Variants in RAB3GAP2 observed in about 807,000 individuals in gnomAD.
RAB3GAP2 encodes the protein RAB3 GTPase activating non-catalytic protein subunit 2, also known as rab3 GTPase-activating protein non-catalytic subunit.
A neutral mutation model predicts 185.3 loss-of-function variants in RAB3GAP2; 87 were observed. The ratio of observed to expected loss-of-function variants is 0.47; its 90% CI spans 0.39 to 0.56. The LOEUF (loss-of-function observed/expected upper bound fraction) is 0.56, where lower values mean the gene tolerates loss of function less well. Among genes scored for constraint, RAB3GAP2 ranks in the 20% least tolerant of loss-of-function variants. RAB3GAP2 has a pLI of 0.00. For missense variants in RAB3GAP2, 1,492 were observed against 1,638.2 expected, an observed-to-expected ratio of 0.91 and a Z score of 1.54; for synonymous variants, 554 against 576.1, an observed-to-expected ratio of 0.96 and a Z score of 0.55.
rs1200122130 is a variant in RAB3GAP2 at position 220,213,585 on chromosome 1, G to C, written c.304+271C>G. ...TCTGACTGTCCCTTGCAAGAATTGAGCAATGCACAGTACTGCCCCTGAGGT... is the reference window on the plus strand; with the variant it reads ...TCTGACTGTCCCTTGCAAGAATTGACCAATGCACAGTACTGCCCCTGAGGT... On this transcript the variant is annotated intron_variant, in intron 3 of 34. Transcript: ENST00000358951. 2.6e-5 allele frequency among the ~76,000 whole-genome samples: 4 copies of C among 151,240 alleles called. No homozygotes were observed. The East Asian group carries it at 7.8e-4, about 30-fold the overall frequency.
chr1:220,164,838 G>A, intron 26 of RAB3GAP2, 39 bp from the exon 27 acceptor site: 1 of 1,569,662 alleles, frequency 6.4e-7, no homozygotes, highest in South Asian at 1.1e-5. Flanking sequence ...AGAAAAAGAG[G>A]TATCATTTAA....
intron 17 of RAB3GAP2, among the ~76,000 whole-genome samples, chr1:220,186,265 C>A (rs1445482268): frequency 6.6e-6 from 1 of 152,130 alleles, no homozygotes; most frequent in Non-Finnish European, 1.5e-5. Flanking sequence ...TCTTCATAAC[C>A]AGTCCCAAAA....
intron 1 of RAB3GAP2, among the ~76,000 whole-genome samples, chr1:220,246,182 T>C (rs908077397): frequency 2.6e-5 from 4 of 152,146 alleles, no homozygotes; most frequent in Admixed American, 6.5e-5. Flanking sequence ...AAAATGCTCA[T>C]CATCACTGGC....
intron 17 of RAB3GAP2, among the ~76,000 whole-genome samples, chr1:220,188,738 T>C (rs1658552313): frequency 6.6e-6 from 1 of 152,186 alleles, no homozygotes; most frequent in Non-Finnish European, 1.5e-5. Flanking sequence ...AATATGTACA[T>C]GGATAAGCAT....
intron 11 of RAB3GAP2, 43 bp from the exon 12 acceptor site, chr1:220,195,210 GGTTT>G: frequency 1.2e-6 from 2 of 1,607,826 alleles, no homozygotes; most frequent in Non-Finnish European, 1.7e-6. Flanking sequence ...GAGCTTCCAG[GGTTT>G]TAAAGTGCAA....
rs1658097229 is a variant in RAB3GAP2, at chr1:220,167,737, T to C, written c.2807-62A>G. On this transcript the variant is annotated intron_variant, in intron 24 of 34. Transcript: ENST00000358951. ...CAACACACAGGGCAGTGTTTGCCAA[T>C]GGGAGCCAATTTCCTTACGAAGAGA... is the stretch of plus-strand genomic sequence containing the variant. The C allele has an allele frequency of 4.6e-6, 7 of 1,517,238 alleles. No homozygotes were observed. In the Admixed American group the frequency reaches 1.0e-4, roughly 22 times the overall value. 94.0% of individuals were successfully genotyped at this position (1,517,238 alleles called of 1,614,324 possible). A position where few individuals can be genotyped will look rare whatever the true frequency, so the allele number is the denominator to read the frequency against.
rs773060205 is a variant in RAB3GAP2, at chr1:220,189,767, T to C, written c.1715A>G (p.Asp572Gly). ...TTCCTTTATTTCTGTTTCAACCAAA[T>C]CTATAAAGAAAAAAATAATCAAAGT... ...ALLKTKSPNL[D>G]LVETEIKELI... The change falls in exon 17 of 35, where the codon GAT becomes GGT. Residue 572 changes from aspartate to glycine, a missense_variant and splice_region_variant. By Grantham distance (94) the Asp-to-Gly change is moderately conservative. Transcript: ENST00000358951. 6.7e-7 allele frequency: 1 copy of C among 1,484,232 alleles called. No individual in the cohort carries two copies. The highest frequency in any genetic ancestry group is 9.1e-7 in the Non-Finnish European group (1 of 1,094,136). 91.9% of individuals were successfully genotyped at this position (1,484,232 alleles called of 1,614,324 possible). A position where few individuals can be genotyped will look rare whatever the true frequency, so the allele number is the denominator to read the frequency against.
In RAB3GAP2 at chr1:220,157,602, A is replaced by C. The variant is rs1571874107; in HGVS notation, c.3337-114T>G. 6.2e-6 allele frequency: 7 copies of C among 1,121,970 alleles called. No individual in the cohort carries two copies. The East Asian group carries it at 1.8e-4, about 28-fold the overall frequency. 69.5% of individuals were successfully genotyped at this position (1,121,970 alleles called of 1,614,324 possible). A position where few individuals can be genotyped will look rare whatever the true frequency, so the allele number is the denominator to read the frequency against. ...CAAATTCATATTGCACACTGTCCCA[A>C]ATTGTAATAAAAAAACACAAAGTCT... On this transcript the variant is annotated intron_variant, in intron 30 of 34. Transcript: ENST00000358951.
rs1658085337 is a variant in RAB3GAP2, at chr1:220,167,240, A to G, written c.3087+53T>C. ...TTAATTAGACGGTCCCCATATATGA[A>G]TAGCATGAACACAGAAGCAGAAATA... On this transcript the variant is annotated intron_variant, in intron 26 of 34. Coordinates refer to ENST00000358951, the MANE Select transcript of RAB3GAP2 (RefSeq NM_012414.4). 2.7e-6 allele frequency: 4 copies of G among 1,489,932 alleles called. No individual in the cohort carries two copies. In the East Asian group the frequency reaches 9.1e-5, roughly 34 times the overall value. 92.3% of individuals were successfully genotyped at this position (1,489,932 alleles called of 1,614,324 possible).
At position 220,167,279 on chromosome 1, in the gene RAB3GAP2, A is replaced by G. The variant is rs1459836651; in HGVS notation, c.3087+14T>C. On this transcript the variant is annotated intron_variant, in intron 26 of 34. Coordinates refer to ENST00000358951, the MANE Select transcript of RAB3GAP2 (RefSeq NM_012414.4). ...GAAGCAGAAATAACATGAAAGAGGTAACGAGAATCTTACCTCTGGATCTTT... is the reference window on the plus strand; with the variant it reads ...GAAGCAGAAATAACATGAAAGAGGTGACGAGAATCTTACCTCTGGATCTTT... The G allele has an allele frequency of 6.2e-7, 1 of 1,600,174 alleles. No homozygotes were observed. Among genetic ancestry groups the G allele is most frequent in the South Asian group, 1.1e-5 (1 of 90,794 alleles).
intron 1 of RAB3GAP2, among the ~76,000 whole-genome samples, chr1:220,238,739 T>C (rs1285637112): frequency 2.0e-5 from 3 of 152,240 alleles, no homozygotes; most frequent in Non-Finnish European, 4.4e-5. Flanking sequence ...TAATCCTTTA[T>C]GAAGTTTTCT....
chr1:220,190,237 T>C, intron 15 of RAB3GAP2, 91 bp from the exon 16 acceptor site: 1 of 1,502,530 alleles, frequency 6.7e-7, no homozygotes, highest in Non-Finnish European at 9.2e-7. Context: ...CCTTTATATA[T>C]TTCCTATTTA....
intron 1 of RAB3GAP2, chr1:220,267,759 G>T (rs1660255450): frequency 2.0e-6 from 3 of 1,536,566 alleles, no homozygotes; most frequent in Admixed American, 3.3e-5. Flanking sequence ...ACGCTGCGAA[G>T]AATTTGAAGG....
At chr1:220,241,017 A>T (rs1278793455) in intron 1 of RAB3GAP2, among the ~76,000 whole-genome samples, 1 of 152,076 alleles carries the variant, frequency 6.6e-6, no homozygotes, top group East Asian at 1.9e-4. Flanking sequence ...AAACCTTCAA[A>T]CCATACAGAA....
chr1:220,248,257 T>C (rs1279979647), intron 1 of RAB3GAP2, among the ~76,000 whole-genome samples: 1 of 152,128 alleles, frequency 6.6e-6, no homozygotes, highest in Admixed American at 6.5e-5. Flanking sequence ...AAGTTTTCAG[T>C]TACAAGATGA....
intron 1 of RAB3GAP2, among the ~76,000 whole-genome samples, chr1:220,242,903 C>T (rs1433971326): frequency 6.6e-6 from 1 of 152,138 alleles, no homozygotes. Flanking sequence ...ATTTAATTGT[C>T]ACACATCATA....
intron 2 of RAB3GAP2, among the ~76,000 whole-genome samples, chr1:220,218,525 T>A (rs868652933): frequency 6.6e-6 from 1 of 152,086 alleles, no homozygotes; most frequent in African/African-American, 2.4e-5. Context: ...CACTCATAGA[T>A]GGGAATTGAA....
chr1:220,160,305 T>C (rs553198220), intron 28 of RAB3GAP2, among the ~76,000 whole-genome samples: 5 of 152,274 alleles, frequency 3.3e-5, no homozygotes, highest in South Asian at 2.1e-4. Context: ...ACAGGAGACA[T>C]TGGAGAAAAA....
At chr1:220,190,976 T>C (rs1658606907) in intron 14 of RAB3GAP2, 92 bp downstream of exon 14, 5 of 1,198,478 alleles carry the variant, frequency 4.2e-6, no homozygotes, top group Middle Eastern at 2.7e-4. Context: ...AAACTTGTAA[T>C]CTAATAAGCA....
Sources: gnomAD v4.1 joint callset for allele counts (sites outside exome capture counted in the v4.1 genomes callset) on GRCh38, gnomAD v4.1.1 for gene constraint, MANE v1.5 for transcripts, NCBI Gene and HGNC (gene_info 2026-07-23, HGNC 2026-07-21) for gene names.